RAB3C: variants seen among roughly 807,000 people sequenced by gnomAD.
RAB3C encodes the protein RAB3C, member RAS oncogene family.
A neutral mutation model predicts 26.4 loss-of-function variants in RAB3C; 17 were observed. The ratio of observed to expected loss-of-function variants is 0.64; its 90% CI spans 0.44 to 0.97. RAB3C has a LOEUF of 0.97. RAB3C is among the 50% of genes least tolerant of loss of function. RAB3C has a pLI of 0.00. For synonymous variants in RAB3C, 91 were observed against 95.9 expected (o/e 0.95, Z 0.30); for missense variants, 242 against 281.9 (o/e 0.86, Z 1.01).
chr5:58,793,067 C>T (rs1318656833), intron 3 of RAB3C, among the ~76,000 whole-genome samples: 1 of 151,970 alleles, frequency 6.6e-6, no homozygotes, highest in Admixed American at 6.6e-5. Flanking sequence ...TGAGGGAGAA[C>T]CCTGTCACAA....
intron 2 of RAB3C, among the ~76,000 whole-genome samples, chr5:58,701,989 A>G (rs537485951): frequency 1.3e-5 from 2 of 152,172 alleles, no homozygotes; most frequent in South Asian, 4.2e-4. Flanking sequence ...ATCATTCAGA[A>G]CTCAAGTGAT....
Position 58,851,344 on chromosome 5 carries a change from C to T in RAB3C, c.677C>T (p.Ala226Val), listed in dbSNP as rs1579953668. 1 of 1,595,774 alleles carries T rather than the reference C, an allele frequency of 6.3e-7. No individual in the cohort carries two copies. The highest frequency in any genetic ancestry group is 2.2e-5 in the East Asian group (1 of 44,692). The change falls in exon 5 of 5, where the codon GCC becomes GTC. Residue 226 changes from alanine (A) to valine (V), a missense_variant. Transcript: ENST00000282878. The stretch of plus-strand genomic sequence containing the variant: ...CCTCCTCCACCGCAGCCCAACTGTG[C>T]CTGCTAGTGTCCCCGTGCACACAGG... ...ETPPPPQPNCAC is the reference protein window; with the variant it reads ...ETPPPPQPNCVC
At chr5:58,721,927 A>G (rs1350076290) in intron 2 of RAB3C, among the ~76,000 whole-genome samples, 1 of 151,136 alleles carries the variant, frequency 6.6e-6, no homozygotes, top group Non-Finnish European at 1.5e-5. Flanking sequence ...ACTATCTGAA[A>G]GCTTCTATTT....
At chr5:58,791,899 T>A (rs992907369) in intron 3 of RAB3C, among the ~76,000 whole-genome samples, 2 of 152,266 alleles carry the variant, frequency 1.3e-5, no homozygotes, top group African/African-American at 4.8e-5. Context: ...TTTTTGGCAC[T>A]GGCCTTCCAT....
chr5:58,749,764 T>C, intron 3 of RAB3C, among the ~76,000 whole-genome samples: 1 of 152,210 alleles, frequency 6.6e-6, no homozygotes, highest in East Asian at 1.9e-4. Flanking sequence ...TTTTCAGTTA[T>C]TAACTTTGTT....
At chr5:58,655,559 A>C (rs1242646187) in intron 2 of RAB3C, among the ~76,000 whole-genome samples, 8 of 152,242 alleles carry the variant, frequency 5.3e-5, no homozygotes, top group Admixed American at 5.2e-4. Context: ...GGTAAAGAGT[A>C]AAACTAATGA....
chr5:58,610,051 C>G (rs1579814957), intron 1 of RAB3C, among the ~76,000 whole-genome samples: 1 of 152,070 alleles, frequency 6.6e-6, no homozygotes, highest in Non-Finnish European at 1.5e-5. Context: ...AACCTGTGCA[C>G]AGATGAGGAC....
At chr5:58,591,291 C>T (rs942705451) in intron 1 of RAB3C, among the ~76,000 whole-genome samples, 2 of 151,914 alleles carry the variant, frequency 1.3e-5, no homozygotes, top group East Asian at 1.9e-4. Context: ...ATATCCTTAT[C>T]GATTTTTGGT....
At chr5:58,654,617 C>T (rs894329249) in intron 2 of RAB3C, among the ~76,000 whole-genome samples, 1 of 152,020 alleles carries the variant, frequency 6.6e-6, no homozygotes, top group Non-Finnish European at 1.5e-5. Flanking sequence ...GATAAAAAGT[C>T]ATTATAAGGT....
At chr5:58,700,974 A>T (rs1000137113) in intron 2 of RAB3C, among the ~76,000 whole-genome samples, 5 of 47,026 alleles carry the variant, frequency 1.1e-4, no homozygotes, top group Admixed American at 3.4e-4. Flanking sequence ...AAAATCTTTT[A>T]TTTATTTATT....
intron 3 of RAB3C, among the ~76,000 whole-genome samples, chr5:58,814,300 C>A (rs1356521067): frequency 2.0e-5 from 3 of 152,152 alleles, no homozygotes; most frequent in Non-Finnish European, 2.9e-5. Context: ...CCCAACTCTC[C>A]CATAGGACTC....
chr5:58,655,704 A>C (rs1747754178), intron 2 of RAB3C, among the ~76,000 whole-genome samples: 1 of 152,114 alleles, frequency 6.6e-6, no homozygotes, highest in Non-Finnish European at 1.5e-5. Context: ...GAGATCAAGC[A>C]TATTTGCCAT....
intron 1 of RAB3C, among the ~76,000 whole-genome samples, chr5:58,613,900 C>G (rs1200982014): frequency 6.6e-6 from 1 of 151,870 alleles, no homozygotes; most frequent in East Asian, 1.9e-4. Context: ...TTATGGAGCC[C>G]GAGGGGTTCC....
chr5:58,801,955 T>C (rs1317498776), intron 3 of RAB3C, among the ~76,000 whole-genome samples: 1 of 152,216 alleles, frequency 6.6e-6, no homozygotes, highest in Non-Finnish European at 1.5e-5. Context: ...TCTTTTCCAT[T>C]CTCCATAAAA....
At chr5:58,677,727 C>G (rs1028676269) in intron 2 of RAB3C, among the ~76,000 whole-genome samples, 1 of 152,066 alleles carries the variant, frequency 6.6e-6, no homozygotes, top group Admixed American at 6.6e-5. Context: ...GAACTGATAG[C>G]GGCTATCTAG....
intron 3 of RAB3C, 57 bp downstream of exon 3, chr5:58,726,177 T>C: frequency 1.1e-6 from 1 of 883,446 alleles, no homozygotes. Context: ...GTCAACTCTG[T>C]CTTTCTTCCC....
At chr5:58,771,687 T>C (rs1221536757) in intron 3 of RAB3C, among the ~76,000 whole-genome samples, 1 of 152,012 alleles carries the variant, frequency 6.6e-6, no homozygotes, top group Non-Finnish European at 1.5e-5. Flanking sequence ...GTAGCAGAAA[T>C]CAGAAAAGAA....
At chr5:58,713,593 A>G (rs293021) in intron 2 of RAB3C, among the ~76,000 whole-genome samples, 54,068 of 152,096 alleles carry the variant, frequency 0.36, 10,127 homozygotes, top group Non-Finnish European at 0.42. Flanking sequence ...GAACATGTTT[A>G]CAGTGTGTAA....
chr5:58,724,736 A>C (rs1396591808), intron 2 of RAB3C, among the ~76,000 whole-genome samples: 1 of 151,768 alleles, frequency 6.6e-6, no homozygotes, highest in East Asian at 1.9e-4. Flanking sequence ...AATCATTAGG[A>C]CATAAAAGTG....
Sources: allele counts gnomAD v4.1 joint callset (sites outside exome capture counted in the v4.1 genomes callset), GRCh38; gene constraint gnomAD v4.1.1; transcripts MANE v1.5; gene names NCBI Gene and HGNC (gene_info 2026-07-23, HGNC 2026-07-21).